Variants in RABEP1 observed in about 807,000 individuals in gnomAD.
The protein encoded by RABEP1 is rab GTPase-binding effector protein 1.
RABEP1 carries 51 observed loss-of-function variants against 123.4 expected under a neutral mutation model. That is an observed-to-expected ratio of 0.41 (90% CI 0.33 to 0.52). The LOEUF (loss-of-function observed/expected upper bound fraction) is 0.52. RABEP1 is among the 20% of genes least tolerant of loss of function. The probability of loss-of-function intolerance (pLI) is 0.16; values close to 1 mark genes in which losing one functional copy is unlikely to be tolerated. For synonymous variants in RABEP1, 347 were observed against 355.2 expected (o/e 0.98, Z 0.26); for missense variants, 888 against 996.3 (o/e 0.89, Z 1.46).
intron 2 of RABEP1, among the ~76,000 whole-genome samples, chr17:5,314,761 G>T (rs544505263): frequency 6.6e-6 from 1 of 152,212 alleles, no homozygotes; most frequent in African/African-American, 2.4e-5. Context: ...CTTGTGATCC[G>T]CCCACTTCAG....
intron 8 of RABEP1, among the ~76,000 whole-genome samples, chr17:5,360,538 G>A (rs572850699): frequency 1.8e-4 from 27 of 152,328 alleles, no homozygotes; most frequent in African/African-American, 6.5e-4. Context: ...CTCCAGCCTG[G>A]GCGACAGAGC....
At chr17:5,293,895 A>G (rs1358314808) in intron 1 of RABEP1, among the ~76,000 whole-genome samples, 3 of 152,056 alleles carry the variant, frequency 2.0e-5, no homozygotes, top group Non-Finnish European at 4.4e-5. Context: ...TTCAATTATT[A>G]AGTTGTTTCT....
chr17:5,378,111 TAAAG>T, intron 14 of RABEP1, 62 bp from the exon 15 acceptor site: 1 of 1,338,012 alleles, frequency 7.5e-7, no homozygotes, highest in African/African-American at 1.5e-5. Flanking sequence ...TCTAAAATTT[TAAAG>T]AAAAAAATGT....
chr17:5,333,033 A>G (rs1025567240), intron 3 of RABEP1, among the ~76,000 whole-genome samples: 1 of 152,190 alleles, frequency 6.6e-6, no homozygotes, highest in Non-Finnish European at 1.5e-5. Context: ...CTAAAAGAAG[A>G]GACGTAGTTT....
At chr17:5,348,953 T>G (rs1402068844) in intron 6 of RABEP1, among the ~76,000 whole-genome samples, 1 of 152,212 alleles carries the variant, frequency 6.6e-6, no homozygotes, top group Non-Finnish European at 1.5e-5. Flanking sequence ...TTTTAATATA[T>G]TCACAAAATT....
chr17:5,296,571 A>G (rs1368653312), intron 1 of RABEP1, among the ~76,000 whole-genome samples: 2 of 151,340 alleles, frequency 1.3e-5, no homozygotes, highest in East Asian at 2.0e-4. Context: ...TGGTTTTGGT[A>G]TCTTGATTAT....
At chr17:5,288,684 T>A (rs1037930933) in intron 1 of RABEP1, among the ~76,000 whole-genome samples, 2 of 152,108 alleles carry the variant, frequency 1.3e-5, no homozygotes, top group African/African-American at 4.8e-5. Context: ...CGTGAGCCAC[T>A]GCGCCTGGCC....
In RABEP1 at chr17:5,384,442, A is replaced by C. The variant is rs1911772143; in HGVS notation, c.*1219A>C. ...TCATCATCCAGGAGGTTCAAAAGTA[A>C]GATGGTTTTCAAATCATTTTTGAGA... On this transcript the variant is annotated 3_prime_UTR_variant, in exon 18 of 18. Coordinates refer to ENST00000537505, the MANE Select transcript of RABEP1 (RefSeq NM_004703.6). 1 of 215,698 alleles carries C rather than the reference A, an allele frequency of 4.6e-6. No individual in the cohort carries two copies. Among genetic ancestry groups the C allele is most frequent in the South Asian group, 1.9e-4 (1 of 5,376 alleles). The allele number at this position is 215,698 out of a possible 1,614,324, so 13.4% of individuals were successfully genotyped here. A position where few individuals can be genotyped will look rare whatever the true frequency, so the allele number is the denominator to read the frequency against.
At chr17:5,326,004 C>T (rs987951864) in intron 2 of RABEP1, among the ~76,000 whole-genome samples, 4 of 152,086 alleles carry the variant, frequency 2.6e-5, no homozygotes, top group Non-Finnish European at 4.4e-5. Context: ...CCAAAAAATG[C>T]TGGTGAGGAT....
chr17:5,320,018 T>C (rs1237044322), intron 2 of RABEP1, among the ~76,000 whole-genome samples: 2 of 152,018 alleles, frequency 1.3e-5, no homozygotes, highest in Non-Finnish European at 2.9e-5. Context: ...AATATCCACA[T>C]GCAGGAAGGC....
chr17:5,380,841 A>G (rs1911390380), intron 16 of RABEP1, among the ~76,000 whole-genome samples: 1 of 152,246 alleles, frequency 6.6e-6, no homozygotes, highest in South Asian at 2.1e-4. Context: ...TTCCGTTAGA[A>G]TAAACGTGCA....
Position 5,361,666 on chromosome 17 carries a change from G to C in RABEP1, c.1554G>C (p.Leu518Phe). The C allele has an allele frequency of 6.2e-7, 1 of 1,601,662 alleles. No individual in the cohort carries two copies. Among genetic ancestry groups the C allele is most frequent in the Non-Finnish European group, 8.5e-7 (1 of 1,174,400 alleles). Residue 518 changes from leucine to phenylalanine, a missense_variant, in exon 9 of 18, where the codon TTG (leucine) becomes TTC (phenylalanine). Leu to Phe is a conservative substitution (Grantham distance 22). Transcript: ENST00000537505. ...TTAGTGAAACAGAATGGAATCTCTT[G>C]CAGAAAGAGGTGAGTTACCTTTCTC... Reference protein sequence around the residue: ...RLVSETEWNLLQKEVHNAGNK... With the variant: ...RLVSETEWNLFQKEVHNAGNK...
Position 5,350,573 on chromosome 17 carries a change from A to G in RABEP1, c.907A>G (p.Ile303Val). Residue 303 changes from isoleucine to valine, a missense_variant, in exon 7 of 18, where the codon ATT becomes GTT. Transcript: ENST00000537505. ...GATGAGAGACATGCAGCGAATGGAG[A>G]TTGTGCTAACTTCAGAACAGCTCCG... ...LLMRDMQRME[I>V]VLTSEQLRQV... is the part of the protein sequence containing the mutation. 6.2e-7 allele frequency: 1 copy of G among 1,614,094 alleles called. No individual in the cohort carries two copies. Among genetic ancestry groups the G allele is most frequent in the South Asian group, 1.1e-5 (1 of 91,064 alleles).
At chr17:5,312,877 C>T (rs1012211750) in intron 2 of RABEP1, among the ~76,000 whole-genome samples, 2 of 152,078 alleles carry the variant, frequency 1.3e-5, no homozygotes, top group African/African-American at 4.8e-5. Flanking sequence ...GAGGCTGAGG[C>T]GGGTGGATCA....
chr17:5,380,502 C>A, intron 16 of RABEP1, 40 bp downstream of exon 16: 1 of 1,401,494 alleles, frequency 7.1e-7, no homozygotes, highest in Non-Finnish European at 9.9e-7. Flanking sequence ...AAAAGCAGGG[C>A]TAAGAATGCA....
chr17:5,381,861 TTC>T (rs1347509694), intron 17 of RABEP1: 1 of 179,482 alleles, frequency 5.6e-6, no homozygotes, highest in Non-Finnish European at 1.1e-5. Flanking sequence ...CAGCGTGGTG[TTC>T]TGTCTGGTAA....
At position 5,344,420 on chromosome 17, in the gene RABEP1, AGAGT is replaced by A. The variant is rs1373379316; in HGVS notation, c.649-2366_649-2363del. On this transcript the variant is annotated intron_variant, in intron 5 of 17. Transcript: ENST00000537505. ...GCCACTGCACTCCAGCCAGAGCAAC[AGAGT>A]GAGACTCTCTCTCAAAATTGCCAAG... Among the ~76,000 whole-genome samples the A allele has an allele frequency of 2.7e-5, 4 of 150,116 alleles. No individual in the cohort carries two copies. The East Asian group carries it at 7.8e-4, about 29-fold the overall frequency.
intron 1 of RABEP1, among the ~76,000 whole-genome samples, chr17:5,308,107 C>T (rs899816283): frequency 1.3e-5 from 2 of 152,072 alleles, no homozygotes; most frequent in East Asian, 1.9e-4. Flanking sequence ...TTCAGTTGCA[C>T]AAAGGCACTT....
intron 1 of RABEP1, among the ~76,000 whole-genome samples, chr17:5,290,035 A>C (rs1394638738): frequency 3.3e-5 from 5 of 152,288 alleles, no homozygotes; most frequent in Non-Finnish European, 5.9e-5. Context: ...TATCCACTGA[A>C]GTTTGATGTT....
Sources: gnomAD v4.1 joint callset for allele counts (sites outside exome capture counted in the v4.1 genomes callset) on GRCh38, gnomAD v4.1.1 for gene constraint, MANE v1.5 for transcripts, NCBI Gene and HGNC (gene_info 2026-07-23, HGNC 2026-07-21) for gene names.